Variants in UBE2E2 observed in about 807,000 individuals in gnomAD.
UBE2E2 encodes ubiquitin-conjugating enzyme E2 E2.
In UBE2E2, 6 loss-of-function variants were observed where a neutral mutation model predicts 24.7. The ratio of observed to expected loss-of-function variants is 0.24; its 90% CI spans 0.13 to 0.48. The LOEUF (loss-of-function observed/expected upper bound fraction) is 0.48. Ranked by LOEUF, UBE2E2 falls within the 20% of genes least tolerant of loss-of-function variation. The probability of loss-of-function intolerance (pLI) is 0.99; values close to 1 mark genes in which losing one functional copy is unlikely to be tolerated. For missense variants in UBE2E2, 169 were observed against 245.0 expected, an observed-to-expected ratio of 0.69 and a Z score of 2.07; for synonymous variants, 104 against 83.6, an observed-to-expected ratio of 1.24 and a Z score of -1.33.
intron 3 of UBE2E2, among the ~76,000 whole-genome samples, chr3:23,356,183 C>T (rs780359626): frequency 6.6e-6 from 1 of 152,086 alleles, no homozygotes; most frequent in East Asian, 1.9e-4. Context: ...CAGGAGAAAG[C>T]GGCAAATCAG....
At chr3:23,250,391 A>C (rs1697540487) in intron 3 of UBE2E2, among the ~76,000 whole-genome samples, 1 of 152,124 alleles carries the variant, frequency 6.6e-6, no homozygotes, top group Non-Finnish European at 1.5e-5. Flanking sequence ...TACTCAGTAA[A>C]ATTTTTCTGA....
intron 3 of UBE2E2, among the ~76,000 whole-genome samples, chr3:23,375,710 A>G (rs1328419519): frequency 2.6e-5 from 4 of 152,304 alleles, no homozygotes; most frequent in East Asian, 1.9e-4. Context: ...GTTTCTATAT[A>G]AAGAATCAGG....
intron 3 of UBE2E2, among the ~76,000 whole-genome samples, chr3:23,366,528 A>G (rs1016542394): frequency 6.6e-6 from 1 of 152,216 alleles, no homozygotes; most frequent in Non-Finnish European, 1.5e-5. Context: ...GAAAGCCATG[A>G]TGCCCCATGT....
intron 3 of UBE2E2, among the ~76,000 whole-genome samples, chr3:23,444,736 C>G (rs1205728353): frequency 2.6e-5 from 4 of 152,124 alleles, no homozygotes; most frequent in Admixed American, 1.3e-4. Context: ...ATTGGGCCAG[C>G]TGTTATTTGT....
At chr3:23,274,062 G>A (rs1049938447) in intron 3 of UBE2E2, among the ~76,000 whole-genome samples, 1 of 152,136 alleles carries the variant, frequency 6.6e-6, no homozygotes, top group African/African-American at 2.4e-5. Context: ...AAATATTACA[G>A]GACTGGACTG....
At chr3:23,301,869 G>C (rs984333808) in intron 3 of UBE2E2, among the ~76,000 whole-genome samples, 1 of 152,144 alleles carries the variant, frequency 6.6e-6, no homozygotes, top group Non-Finnish European at 1.5e-5. Context: ...AGCTGTAGAC[G>C]GGAGCTGTTC....
At chr3:23,478,892 A>ATG (rs112682420) in intron 3 of UBE2E2, among the ~76,000 whole-genome samples, 2 of 35,766 alleles carry the variant, frequency 5.6e-5, no homozygotes, top group Non-Finnish European at 1.7e-4. Context: ...ATATATATAT[A>ATG]TATATTTTTT....
At chr3:23,388,376 G>A (rs1236292901) in intron 3 of UBE2E2, among the ~76,000 whole-genome samples, 5 of 152,108 alleles carry the variant, frequency 3.3e-5, no homozygotes, top group Non-Finnish European at 5.9e-5. Context: ...AATTAATATT[G>A]TTTGTTCTCT....
At chr3:23,337,167 T>C (rs1334557999) in intron 3 of UBE2E2, among the ~76,000 whole-genome samples, 7 of 151,256 alleles carry the variant, frequency 4.6e-5, no homozygotes, top group Non-Finnish European at 1.0e-4. Flanking sequence ...ATTCAGCTGA[T>C]TACTACTTTA....
chr3:23,351,223 GCTC>G (rs1695738681), intron 3 of UBE2E2, among the ~76,000 whole-genome samples: 1 of 152,092 alleles, frequency 6.6e-6, no homozygotes, highest in Non-Finnish European at 1.5e-5. Flanking sequence ...CCCTAAAAGA[GCTC>G]CTGAAGGAAG....
intron 3 of UBE2E2, among the ~76,000 whole-genome samples, chr3:23,466,485 C>A (rs975687192): frequency 6.6e-6 from 1 of 152,190 alleles, no homozygotes; most frequent in Non-Finnish European, 1.5e-5. Context: ...TTGTCCCTTG[C>A]AGAATATTTT....
intron 3 of UBE2E2, among the ~76,000 whole-genome samples, chr3:23,334,002 A>G (rs1695139042): frequency 6.6e-6 from 1 of 152,176 alleles, no homozygotes; most frequent in Non-Finnish European, 1.5e-5. Context: ...TTGTTGATGC[A>G]TTTTGTCCTC....
At chr3:23,351,143 A>G (rs899600898) in intron 3 of UBE2E2, among the ~76,000 whole-genome samples, 3 of 152,242 alleles carry the variant, frequency 2.0e-5, no homozygotes, top group Non-Finnish European at 4.4e-5. Flanking sequence ...ACTAAGCTTC[A>G]TAAGTGAAGG....
chr3:23,491,806 G>A (rs1699502599), intron 3 of UBE2E2, among the ~76,000 whole-genome samples: 1 of 152,188 alleles, frequency 6.6e-6, no homozygotes, highest in African/African-American at 2.4e-5. Flanking sequence ...TAAACAGATT[G>A]GAGGGAAGCA....
At position 23,455,862 on chromosome 3, in the gene UBE2E2, A is replaced by G. The variant is rs541803918; in HGVS notation, c.228-43746A>G. 5.9e-5 allele frequency among the ~76,000 whole-genome samples: 9 copies of G among 152,304 alleles called. No individual in the cohort carries two copies. The East Asian group carries it at 1.2e-3, about 20-fold the overall frequency. On this transcript the variant is annotated intron_variant, in intron 3 of 5. Coordinates refer to ENST00000396703, the MANE Select transcript of UBE2E2 (RefSeq NM_152653.4). ...GGAGTAGCTGTGGTAATTTCTTACA[A>G]TAAAACAACGATGAAATTTGTTGCA... is the stretch of plus-strand genomic sequence containing the variant.
At chr3:23,281,182 C>G (rs1698483113) in intron 3 of UBE2E2, among the ~76,000 whole-genome samples, 1 of 151,852 alleles carries the variant, frequency 6.6e-6, no homozygotes, top group Non-Finnish European at 1.5e-5. Flanking sequence ...GACAAATATT[C>G]AGTCAATAGC....
intron 3 of UBE2E2, among the ~76,000 whole-genome samples, chr3:23,488,119 G>A (rs186326125): frequency 6.6e-6 from 1 of 151,664 alleles, no homozygotes; most frequent in Non-Finnish European, 1.5e-5. Flanking sequence ...CCAAAGAGAA[G>A]TATATTGAGT....
intron 3 of UBE2E2, among the ~76,000 whole-genome samples, chr3:23,283,233 A>C (rs1559332331): frequency 6.6e-6 from 1 of 152,074 alleles, no homozygotes; most frequent in Non-Finnish European, 1.5e-5. Context: ...TTCATGTAGA[A>C]AATTTGGAAC....
intron 3 of UBE2E2, among the ~76,000 whole-genome samples, chr3:23,498,274 C>A (rs187536932): frequency 2.0e-5 from 3 of 152,138 alleles, no homozygotes; most frequent in Non-Finnish European, 2.9e-5. Flanking sequence ...AATATTTAAT[C>A]CATCTGCAAC....
Sources: gnomAD v4.1 joint callset for allele counts (sites outside exome capture counted in the v4.1 genomes callset) on GRCh38, gnomAD v4.1.1 for gene constraint, MANE v1.5 for transcripts, NCBI Gene and HGNC (gene_info 2026-07-23, HGNC 2026-07-21) for gene names.